TP63: variants seen among roughly 807,000 people sequenced by gnomAD.
The protein encoded by TP63 is tumor protein p63, also known as tumor protein 63.
In TP63, 17 loss-of-function variants were observed where a neutral mutation model predicts 82.8. The observed-to-expected ratio is 0.21, with a 90% CI of 0.14 to 0.31. The LOEUF is 0.31. Among genes scored for constraint, TP63 ranks in the 10% least tolerant of loss-of-function variants. TP63 has a pLI of 1.00. For missense variants in TP63, 648 were observed against 895.3 expected (o/e 0.72, Z 3.52); for synonymous variants, 330 against 321.7 (o/e 1.03, Z -0.28).
intron 3 of TP63, among the ~76,000 whole-genome samples, chr3:189,740,857 A>T (rs1720929389): frequency 6.6e-6 from 1 of 152,158 alleles, no homozygotes; most frequent in African/African-American, 2.4e-5. Flanking sequence ...ATTCTTGGAA[A>T]TGTTCTCCTT....
chr3:189,783,813 C>T (rs572000760), intron 3 of TP63, among the ~76,000 whole-genome samples: 37 of 151,962 alleles, frequency 2.4e-4, no homozygotes, highest in African/African-American at 8.4e-4. Flanking sequence ...ATAATCCTCT[C>T]AGTGCTGTAG....
chr3:189,761,573 C>A (rs1034946787), intron 3 of TP63, among the ~76,000 whole-genome samples: 1 of 152,288 alleles, frequency 6.6e-6, no homozygotes, highest in South Asian at 2.1e-4. Flanking sequence ...CAACAAGTCT[C>A]TAGGAAGTTC....
chr3:189,885,019 C>T (rs1203221338), intron 10 of TP63, among the ~76,000 whole-genome samples: 1 of 152,170 alleles, frequency 6.6e-6, no homozygotes, highest in African/African-American at 2.4e-5. Context: ...GGTCCATTTA[C>T]AGAGCCTCCA....
At chr3:189,635,531 T>C (rs948678769) in intron 1 of TP63, among the ~76,000 whole-genome samples, 1 of 152,102 alleles carries the variant, frequency 6.6e-6, no homozygotes, top group African/African-American at 2.4e-5. Flanking sequence ...AGCAATCTCC[T>C]GCAGGAGAGT....
intron 4 of TP63, among the ~76,000 whole-genome samples, chr3:189,811,275 T>C (rs1727541102): frequency 1.3e-5 from 2 of 152,192 alleles, no homozygotes; most frequent in Non-Finnish European, 2.9e-5. Flanking sequence ...CGTAGAAAGT[T>C]TTTAGAAGGG....
chr3:189,879,986 G>A (rs1719726165), intron 10 of TP63: 3 of 1,559,972 alleles, frequency 1.9e-6, no homozygotes, highest in African/African-American at 1.4e-5. Context: ...TATAAGGAGT[G>A]TGTTTCTGAA....
In TP63 at chr3:189,779,857, T is replaced by G. The variant is rs1724093397; in HGVS notation, c.325-28415T>G. On this transcript the variant is annotated intron_variant, in intron 3 of 13. Transcript: ENST00000264731. ...AGACATCTCCCAAGCAGAATGTGAA[T>G]GCTTACTCTGCATACTTTCCAAGCT... Among the ~76,000 whole-genome samples, 5 of 152,214 alleles carry G rather than the reference T, an allele frequency of 3.3e-5. No homozygotes were observed. The South Asian group carries it at 1.0e-3, about 32-fold the overall frequency.
chr3:189,839,322 C>T lies in TP63; in HGVS notation c.580-24910C>T, dbSNP rs552788194. ...CTTAATTCCTGCCGGAAGGACAGTA[C>T]AGAGGGATTACGGTTTAAATATTGC... is the stretch of plus-strand genomic sequence containing the variant. On this transcript the variant is annotated intron_variant, in intron 4 of 13. Coordinates refer to ENST00000264731, the MANE Select transcript of TP63 (RefSeq NM_003722.5). Among the ~76,000 whole-genome samples, 3 of 152,264 alleles carry T rather than the reference C, an allele frequency of 2.0e-5. No individual in the cohort carries two copies. In the South Asian group the frequency reaches 6.2e-4, roughly 32 times the overall value.
At chr3:189,709,739 T>C (rs1325760600) in intron 1 of TP63, among the ~76,000 whole-genome samples, 4 of 152,204 alleles carry the variant, frequency 2.6e-5, no homozygotes, top group African/African-American at 9.6e-5. Flanking sequence ...TGTTCTCTGA[T>C]TTATAATTCC....
At chr3:189,719,534 C>A (rs528200699) in intron 1 of TP63, among the ~76,000 whole-genome samples, 1 of 152,108 alleles carries the variant, frequency 6.6e-6, no homozygotes, top group African/African-American at 2.4e-5. Context: ...ATGTTATCTT[C>A]GAGTCTAGTC....
At chr3:189,605,649 G>A in the TP63 span, among the ~76,000 whole-genome samples, 4 of 152,136 alleles carry the variant, frequency 2.6e-5, no homozygotes, top group South Asian at 2.1e-4. Context: ...AGAGACCCTC[G>A]ATGTTTCTAT....
chr3:189,754,126 A>G (rs1238725847), intron 3 of TP63, among the ~76,000 whole-genome samples: 1 of 152,152 alleles, frequency 6.6e-6, no homozygotes, highest in African/African-American at 2.4e-5. Context: ...TTTTGCCTGG[A>G]CATCAGCAAG....
intron 1 of TP63, among the ~76,000 whole-genome samples, chr3:189,726,072 A>G (rs74368744): frequency 6.8e-4 from 104 of 152,208 alleles, no homozygotes; most frequent in Middle Eastern, 3.4e-3. Context: ...GCGGGGGGGA[A>G]TATTTTGTCA....
chr3:189,809,250 T>A (rs1246392363), intron 4 of TP63, among the ~76,000 whole-genome samples: 1 of 152,184 alleles, frequency 6.6e-6, no homozygotes, highest in Non-Finnish European at 1.5e-5. Context: ...TAAGGAAGCA[T>A]GGAATTTTCT....
At chr3:189,887,114 C>A (rs1305154462) in intron 11 of TP63, among the ~76,000 whole-genome samples, 1 of 150,382 alleles carries the variant, frequency 6.6e-6, no homozygotes, top group Non-Finnish European at 1.5e-5. Flanking sequence ...GAGGCTGAGG[C>A]ATGAAAATCA....
chr3:189,843,519 A>G (rs565519534), intron 4 of TP63, among the ~76,000 whole-genome samples: 3 of 152,196 alleles, frequency 2.0e-5, no homozygotes, highest in African/African-American at 2.4e-5. Flanking sequence ...CAATTCGTAC[A>G]TGTCTGGCAG....
At chr3:189,660,461 G>C (rs1037438394) in intron 1 of TP63, among the ~76,000 whole-genome samples, 1 of 151,596 alleles carries the variant, frequency 6.6e-6, no homozygotes, top group Non-Finnish European at 1.5e-5. Context: ...ATGCTGTTTT[G>C]GTCACTCTAG....
intron 1 of TP63, among the ~76,000 whole-genome samples, chr3:189,697,772 T>C (rs1358902828): frequency 6.6e-6 from 1 of 152,084 alleles, no homozygotes; most frequent in Non-Finnish European, 1.5e-5. Flanking sequence ...ATTTATTTTA[T>C]TGGATTTATA....
intron 4 of TP63, among the ~76,000 whole-genome samples, chr3:189,821,848 G>A (rs1359771524): frequency 6.6e-6 from 1 of 152,188 alleles, no homozygotes; most frequent in Admixed American, 6.5e-5. Flanking sequence ...TAAAGCATAT[G>A]ATACTTACAG....
Sources: allele counts gnomAD v4.1 joint callset (sites outside exome capture counted in the v4.1 genomes callset), GRCh38; gene constraint gnomAD v4.1.1; transcripts MANE v1.5; gene names NCBI Gene and HGNC (gene_info 2026-07-23, HGNC 2026-07-21).